The following DSCAM variants were observed in gnomAD, a reference collection of about 807,000 sequenced individuals.
DSCAM encodes the protein cell adhesion molecule DSCAM.
DSCAM carries 47 observed loss-of-function variants against 217.7 expected under a neutral mutation model. The ratio of observed to expected loss-of-function variants is 0.22; its 90% CI spans 0.17 to 0.28. The LOEUF (loss-of-function observed/expected upper bound fraction) is 0.28, where lower values mean the gene tolerates loss of function less well. Ranked by LOEUF, DSCAM falls within the 10% of genes least tolerant of loss-of-function variation. The pLI, the probability that DSCAM is intolerant of heterozygous loss-of-function variation, is 1.00. For missense variants in DSCAM, 2,080 were observed against 2,618.3 expected, an observed-to-expected ratio of 0.79 and a Z score of 4.49; for synonymous variants, 1,056 against 1,015.3, an observed-to-expected ratio of 1.04 and a Z score of -0.76.
chr21:40,357,087 G>T (rs1481208894), intron 4 of DSCAM, among the ~76,000 whole-genome samples: 1 of 152,070 alleles, frequency 6.6e-6, no homozygotes. Context: ...TTCATTAACT[G>T]AAGAATTCTA....
At chr21:40,100,281 G>A (rs999419775) in intron 20 of DSCAM, among the ~76,000 whole-genome samples, 4 of 152,184 alleles carry the variant, frequency 2.6e-5, no homozygotes, top group Admixed American at 2.6e-4. Context: ...TTCTCTCAGT[G>A]TAGTGGAGCC....
At chr21:40,280,476 A>C (rs28435934) in intron 10 of DSCAM, among the ~76,000 whole-genome samples, 2,047 of 152,288 alleles carry the variant, frequency 0.013, 59 homozygotes, top group African/African-American at 0.047. Flanking sequence ...GGCACGAGCC[A>C]TTGTTCTTGG....
At chr21:40,822,574 A>C (rs1398577882) in intron 1 of DSCAM, among the ~76,000 whole-genome samples, 7 of 152,120 alleles carry the variant, frequency 4.6e-5, no homozygotes, top group Non-Finnish European at 1.0e-4. Flanking sequence ...TAAAATAAGC[A>C]CAGTAAATAT....
At position 40,144,527 on chromosome 21, in the gene DSCAM, A is replaced by G. The variant is rs1325965094; in HGVS notation, c.3223T>C (p.Ser1075Pro). ...GTGGTGGTGATGATTTCCTGAGAAG[A>G]AGGCCCCGTGCCGGCCCGGTTACAG... ...QACNRAGTGP[S>P]SQEIITTTLE... Residue 1075 changes from serine (S) to proline (P), a missense_variant, in exon 17 of 33, where the codon TCT becomes CCT. Ser to Pro is a moderately conservative substitution (Grantham distance 74). Transcript: ENST00000400454. The surrounding 1 kb of genome is among the most constrained non-coding windows in gnomAD (Gnocchi z 4.8). The G allele has an allele frequency of 3.7e-6, 6 of 1,614,212 alleles. No homozygotes were observed. The highest frequency in any genetic ancestry group is 4.2e-6 in the Non-Finnish European group (5 of 1,180,040).
intron 3 of DSCAM, among the ~76,000 whole-genome samples, chr21:40,676,892 T>G (rs1307058185): frequency 6.6e-6 from 1 of 152,188 alleles, no homozygotes; most frequent in East Asian, 1.9e-4. Context: ...GTCACGTGCA[T>G]CCGGGCCTCG....
intron 11 of DSCAM, among the ~76,000 whole-genome samples, chr21:40,196,728 C>A (rs1778191423): frequency 6.6e-6 from 1 of 151,888 alleles, no homozygotes; most frequent in South Asian, 2.1e-4. Flanking sequence ...TCTGTTTTCT[C>A]CTTCACAGTG....
chr21:40,169,524 C>G (rs183001837), intron 15 of DSCAM, among the ~76,000 whole-genome samples: 7 of 152,078 alleles, frequency 4.6e-5, no homozygotes, highest in Admixed American at 6.5e-5. Context: ...GCTCCGTCCT[C>G]GCACTGAGGA....
intron 3 of DSCAM, among the ~76,000 whole-genome samples, chr21:40,420,831 G>A (rs1323541689): frequency 2.6e-5 from 4 of 152,076 alleles, no homozygotes; most frequent in Non-Finnish European, 1.5e-5. Flanking sequence ...CAGAAGCTAC[G>A]ATCAAGGAAT....
At chr21:40,209,870 C>A (rs1042644771) in intron 11 of DSCAM, among the ~76,000 whole-genome samples, 1 of 152,328 alleles carries the variant, frequency 6.6e-6, no homozygotes, top group Non-Finnish European at 1.5e-5. Flanking sequence ...TAGGGCTCTG[C>A]CAGACTCAGC....
At chr21:40,209,239 G>A (rs1784168958) in intron 11 of DSCAM, among the ~76,000 whole-genome samples, 1 of 152,188 alleles carries the variant, frequency 6.6e-6, no homozygotes, top group Admixed American at 6.5e-5. Flanking sequence ...AAGCAGTGGG[G>A]GAGGATGAGT....
chr21:40,036,967 C>T (rs1465520212), intron 32 of DSCAM, among the ~76,000 whole-genome samples: 2 of 150,670 alleles, frequency 1.3e-5, no homozygotes, highest in Non-Finnish European at 2.9e-5. Flanking sequence ...AATTCAACAA[C>T]CCTTCATGCT....
intron 1 of DSCAM, among the ~76,000 whole-genome samples, chr21:40,739,954 A>ATTTTTTTTTTTTTTTTTTTTTT (rs56815777): frequency 8.5e-5 from 5 of 58,976 alleles, no homozygotes; most frequent in African/African-American, 3.3e-4. Flanking sequence ...TGCAGGTGTA[A>ATTTTTTTTTTTTTTTTTTTTTT]TTTTTTTTTT....
At chr21:40,329,053 C>T (rs2074347931) in intron 8 of DSCAM, among the ~76,000 whole-genome samples, 1 of 152,150 alleles carries the variant, frequency 6.6e-6, no homozygotes, top group South Asian at 2.1e-4. Flanking sequence ...AAGCTTTGTA[C>T]TGTATTGATA....
At chr21:40,262,967 A>G (rs902898416) in intron 11 of DSCAM, among the ~76,000 whole-genome samples, 3 of 152,246 alleles carry the variant, frequency 2.0e-5, no homozygotes, top group Admixed American at 1.3e-4. Flanking sequence ...TTTTGCAAAA[A>G]TATTCAAACA....
At chr21:40,350,288 G>T (rs920816300) in intron 5 of DSCAM, among the ~76,000 whole-genome samples, 1 of 152,016 alleles carries the variant, frequency 6.6e-6, no homozygotes, top group African/African-American at 2.4e-5. Context: ...TTGACAAATG[G>T]GATCTAATTA....
chr21:40,215,495 A>G (rs537643559), intron 11 of DSCAM, among the ~76,000 whole-genome samples: 1 of 152,146 alleles, frequency 6.6e-6, no homozygotes, highest in East Asian at 1.9e-4. Context: ...AAATATAATG[A>G]CTTTTATAGC....
intron 1 of DSCAM, among the ~76,000 whole-genome samples, chr21:40,746,012 T>C (rs1288174772): frequency 6.6e-6 from 1 of 151,996 alleles, no homozygotes; most frequent in Non-Finnish European, 1.5e-5. Context: ...ATAACATGAT[T>C]TTAAGCATCA....
chr21:40,590,878 A>G (rs531054478), intron 3 of DSCAM, among the ~76,000 whole-genome samples: 1 of 152,210 alleles, frequency 6.6e-6, no homozygotes, highest in East Asian at 1.9e-4. Flanking sequence ...AAAAACATGT[A>G]TTCTAACCAA....
chr21:40,590,368 C>T (rs1250272322), intron 3 of DSCAM, among the ~76,000 whole-genome samples: 1 of 152,200 alleles, frequency 6.6e-6, no homozygotes, highest in Non-Finnish European at 1.5e-5. Flanking sequence ...AGCCATGGAG[C>T]CCCTGCAGGG....
Sources: allele counts gnomAD v4.1 joint callset (sites outside exome capture counted in the v4.1 genomes callset), GRCh38; gene constraint gnomAD v4.1.1; non-coding constraint Gnocchi (gnomAD v3.1); transcripts MANE v1.5; gene names NCBI Gene and HGNC (gene_info 2026-07-23, HGNC 2026-07-21).